Variants in OR1B1 observed in about 807,000 individuals in gnomAD.
OR1B1 encodes olfactory receptor family 1 subfamily B member 1, also known as olfactory receptor 1B1.
For synonymous variants in OR1B1, 168 were observed against 156.2 expected (o/e 1.08, Z -0.57); for missense variants, 414 against 402.1 (o/e 1.03, Z -0.25).
At chr9:122,628,585 G>A (rs776608291) in exon 1 of OR1B1, 6 of 1,597,182 alleles carry the variant, frequency 3.8e-6, no homozygotes, top group African/African-American at 1.3e-5. Flanking sequence ...CTAATCAGGG[G>A]TCTACCTTCA....
the OR1B1 span, among the ~76,000 whole-genome samples, chr9:122,640,959 A>T: frequency 6.6e-6 from 1 of 152,234 alleles, no homozygotes; most frequent in Non-Finnish European, 1.5e-5. Context: ...TAGCATGGAG[A>T]GAAAGAAGAA....
At chr9:122,633,873 G>A (rs994024232), upstream of OR1B1, among the ~76,000 whole-genome samples, 1 of 143,450 alleles carries the variant, frequency 7.0e-6, no homozygotes, top group East Asian at 2.3e-4. Context: ...AAGTTGCTGT[G>A]AGCTGAGATC....
the OR1B1 span, among the ~76,000 whole-genome samples, chr9:122,641,574 T>C: frequency 6.6e-6 from 1 of 152,142 alleles, no homozygotes; most frequent in African/African-American, 2.4e-5. Context: ...TAAGGACCCA[T>C]GGAAGCAGAG....
chr9:122,644,533 T>C, the OR1B1 span, among the ~76,000 whole-genome samples: 2 of 152,278 alleles, frequency 1.3e-5, no homozygotes, highest in East Asian at 3.9e-4. Flanking sequence ...CTGGGTAAAC[T>C]TGTCACCCTG....
chr9:122,643,953 A>G, the OR1B1 span, among the ~76,000 whole-genome samples: 5 of 152,066 alleles, frequency 3.3e-5, no homozygotes, highest in Non-Finnish European at 7.4e-5. Flanking sequence ...AACAAGCACC[A>G]GCAATACCCA....
chr9:122,645,184 T>C, the OR1B1 span, among the ~76,000 whole-genome samples: 1 of 151,830 alleles, frequency 6.6e-6, no homozygotes, highest in African/African-American at 2.4e-5. Context: ...GCAGAACTGA[T>C]CAAGCAGAAC....
the OR1B1 span, among the ~76,000 whole-genome samples, chr9:122,637,885 G>A: frequency 6.6e-6 from 1 of 152,142 alleles, no homozygotes; most frequent in East Asian, 1.9e-4. Context: ...AGAAATTGTG[G>A]TATATAACAG....
At chr9:122,636,245 T>A in the OR1B1 span, among the ~76,000 whole-genome samples, 1 of 152,222 alleles carries the variant, frequency 6.6e-6, no homozygotes, top group African/African-American at 2.4e-5. Flanking sequence ...CAATGTACAC[T>A]GTTACCATGT....
At chr9:122,637,359 A>G in the OR1B1 span, 1 of 152,224 alleles carries the variant, frequency 6.6e-6, no homozygotes, top group Non-Finnish European at 1.5e-5. Context: ...TTCTTCCCAG[A>G]TGAGACTAAT....
the OR1B1 span, among the ~76,000 whole-genome samples, chr9:122,648,902 T>C: frequency 6.6e-6 from 1 of 152,212 alleles, no homozygotes; most frequent in Non-Finnish European, 1.5e-5. Flanking sequence ...AAAATCTACT[T>C]TAAATTTCAT....
At chr9:122,646,877 G>C in the OR1B1 span, among the ~76,000 whole-genome samples, 1 of 152,062 alleles carries the variant, frequency 6.6e-6, no homozygotes, top group Non-Finnish European at 1.5e-5. Context: ...TCAGGACATA[G>C]CACAATAAGA....
chr9:122,645,727 T>C, the OR1B1 span, among the ~76,000 whole-genome samples: 4 of 152,066 alleles, frequency 2.6e-5, no homozygotes, highest in African/African-American at 9.6e-5. Context: ...GAAATAAAGA[T>C]ATTCCCAGAC....
the OR1B1 span, among the ~76,000 whole-genome samples, chr9:122,648,464 C>A: frequency 1.3e-5 from 2 of 152,122 alleles, no homozygotes; most frequent in Non-Finnish European, 2.9e-5. Context: ...ACAGAATGGG[C>A]AAAAGCTGGA....
chr9:122,654,253 A>G, the OR1B1 span, among the ~76,000 whole-genome samples: 108 of 152,242 alleles, frequency 7.1e-4, no homozygotes, highest in Non-Finnish European at 6.9e-4. Context: ...CAGTTTTATT[A>G]GCCCTACTTT....
At chr9:122,632,079 A>T (rs2118811624), upstream of OR1B1, among the ~76,000 whole-genome samples, 1 of 152,316 alleles carries the variant, frequency 6.6e-6, no homozygotes, top group Non-Finnish European at 1.5e-5. Context: ...TCTAGACAGG[A>T]ATCCCACAAA....
chr9:122,641,168 C>A, the OR1B1 span, among the ~76,000 whole-genome samples: 10 of 152,226 alleles, frequency 6.6e-5, 1 homozygote, highest in African/African-American at 2.4e-4. Context: ...AATATCAAAA[C>A]TTCCCTCCAT....
At chr9:122,650,500 CA>C in the OR1B1 span, among the ~76,000 whole-genome samples, 3 of 151,898 alleles carry the variant, frequency 2.0e-5, no homozygotes, top group Admixed American at 2.0e-4. Flanking sequence ...AGACCAGACA[CA>C]GTGCTCAGTA....
At chr9:122,642,715 C>T in the OR1B1 span, among the ~76,000 whole-genome samples, 1 of 152,116 alleles carries the variant, frequency 6.6e-6, no homozygotes, top group Non-Finnish European at 1.5e-5. Context: ...TGTATCATTA[C>T]CCTAATCACT....
upstream of OR1B1, among the ~76,000 whole-genome samples, chr9:122,633,316 C>A (rs766494262): frequency 6.6e-6 from 1 of 152,106 alleles, no homozygotes; most frequent in East Asian, 1.9e-4. Context: ...GGACTGAAGA[C>A]CTAAACACAA....
Sources: gnomAD v4.1 joint callset for allele counts (sites outside exome capture counted in the v4.1 genomes callset) on GRCh38, gnomAD v4.1.1 for gene constraint, MANE v1.5 for transcripts, NCBI Gene and HGNC (gene_info 2026-07-23, HGNC 2026-07-21) for gene names.